FBXO34: variants seen among roughly 807,000 people sequenced by gnomAD.
The protein encoded by FBXO34 is F-box only protein 34.
In FBXO34, 12 loss-of-function variants were observed where a neutral mutation model predicts 24.5. That is an observed-to-expected ratio of 0.49 (90% CI 0.31 to 0.79). The LOEUF is 0.79. Among genes scored for constraint, FBXO34 ranks in the 30% least tolerant of loss-of-function variants. The pLI, the probability that FBXO34 is intolerant of heterozygous loss-of-function variation, is 0.04. For synonymous variants in FBXO34, 320 were observed against 311.9 expected, an observed-to-expected ratio of 1.03 and a Z score of -0.27; for missense variants, 823 against 857.7, an observed-to-expected ratio of 0.96 and a Z score of 0.51.
chr14:55,411,835 G>A, the FBXO34 span: 4 of 1,575,530 alleles, frequency 2.5e-6, no homozygotes, highest in Admixed American at 5.5e-5. Context: ...TGGCCTGAGA[G>A]GAGAGCCAGT....
the FBXO34 span, chr14:55,411,925 A>AAG: frequency 1.8e-6 from 2 of 1,136,222 alleles, no homozygotes; most frequent in Non-Finnish European, 2.5e-6. Context: ...GATGCCGGCG[A>AAG]GCCCCCGGAC....
chr14:55,420,833 G>C, the FBXO34 span, among the ~76,000 whole-genome samples: 4 of 152,102 alleles, frequency 2.6e-5, no homozygotes, highest in Admixed American at 2.6e-4. Context: ...GCCGAGGCGG[G>C]TGGATCACGA....
At chr14:55,378,348 A>C in the FBXO34 span, among the ~76,000 whole-genome samples, 1 of 152,222 alleles carries the variant, frequency 6.6e-6, no homozygotes. Flanking sequence ...TGAAATGAAA[A>C]ATGTACAAGA....
chr14:55,438,009 C>T, the FBXO34 span, among the ~76,000 whole-genome samples: 1 of 152,198 alleles, frequency 6.6e-6, no homozygotes, highest in South Asian at 2.1e-4. Context: ...CTGAGGAAAG[C>T]AACTAATGTA....
intron 3 of FBXO34, among the ~76,000 whole-genome samples, chr14:55,361,323 G>C (rs1884592543): frequency 6.6e-6 from 1 of 152,200 alleles, no homozygotes; most frequent in African/African-American, 2.4e-5. Context: ...AAAGGAATCT[G>C]GTTTTCTGAG....
At chr14:55,417,015 C>T in the FBXO34 span, among the ~76,000 whole-genome samples, 1 of 152,220 alleles carries the variant, frequency 6.6e-6, no homozygotes, top group African/African-American at 2.4e-5. Context: ...TGCATTCAAG[C>T]TCAAGGAGTA....
the FBXO34 span, among the ~76,000 whole-genome samples, chr14:55,419,776 T>G: frequency 6.6e-6 from 1 of 152,240 alleles, no homozygotes; most frequent in African/African-American, 2.4e-5. Context: ...ACATCTGTAC[T>G]ATGGGCATTG....
chr14:55,378,748 G>C, the FBXO34 span, among the ~76,000 whole-genome samples: 2 of 152,018 alleles, frequency 1.3e-5, no homozygotes, highest in African/African-American at 2.4e-5. Context: ...ACCCAGGCTG[G>C]GGTGCACTGG....
At chr14:55,434,275 T>A in the FBXO34 span, among the ~76,000 whole-genome samples, 1 of 152,158 alleles carries the variant, frequency 6.6e-6, no homozygotes, top group Non-Finnish European at 1.5e-5. Flanking sequence ...GGTTCTTGCC[T>A]CTTATAGTTC....
downstream of FBXO34, chr14:55,366,427 G>C (rs1372577647): frequency 6.6e-6 from 1 of 152,612 alleles, no homozygotes; most frequent in Non-Finnish European, 1.5e-5. Flanking sequence ...TACAATAAAA[G>C]TTTAGAAAAC....
chr14:55,286,241 ATTC>A (rs957795520), intron 1 of FBXO34, among the ~76,000 whole-genome samples: 3 of 152,214 alleles, frequency 2.0e-5, no homozygotes, highest in African/African-American at 7.2e-5. Context: ...TAAGAGTGAT[ATTC>A]TTGAAGATTC....
At chr14:55,395,311 G>T in the FBXO34 span, 4 of 270,180 alleles carry the variant, frequency 1.5e-5, no homozygotes, top group South Asian at 1.2e-4. Flanking sequence ...CGGGCTGCCT[G>T]GCTGCTGCCA....
intron 1 of FBXO34, among the ~76,000 whole-genome samples, chr14:55,329,181 C>T (rs141883342): frequency 2.6e-5 from 3 of 113,604 alleles, no homozygotes; most frequent in African/African-American, 9.0e-5. Context: ...GTTCTTTTCT[C>T]ATATATTGTC....
At chr14:55,399,347 C>T in the FBXO34 span, among the ~76,000 whole-genome samples, 15 of 152,158 alleles carry the variant, frequency 9.9e-5, no homozygotes, top group African/African-American at 3.1e-4. Context: ...TATGACTTAC[C>T]GGATGGTGTA....
chr14:55,390,871 G>A, the FBXO34 span: 1 of 1,371,774 alleles, frequency 7.3e-7, no homozygotes, highest in South Asian at 1.3e-5. Flanking sequence ...TTCCACATAG[G>A]CACTTTCTAG....
chr14:55,382,109 T>G, the FBXO34 span: 1 of 1,614,064 alleles, frequency 6.2e-7, no homozygotes, highest in African/African-American at 1.3e-5. Flanking sequence ...GAGAGGTAAG[T>G]TGTCCTCCGG....
At chr14:55,312,598 A>G (rs964877996) in intron 1 of FBXO34, among the ~76,000 whole-genome samples, 1 of 152,194 alleles carries the variant, frequency 6.6e-6, no homozygotes, top group Non-Finnish European at 1.5e-5. Flanking sequence ...GTTTCCATAC[A>G]TCCTCTGAAA....
downstream of FBXO34, among the ~76,000 whole-genome samples, chr14:55,372,657 T>TCCTTCCTTCGCTCCTCCCTGCTC (rs1249360644): frequency 9.9e-5 from 15 of 151,820 alleles, no homozygotes; most frequent in South Asian, 2.1e-4. Flanking sequence ...CACAGCTTGC[T>TCCTTCCTTCGCTCCTCCCTGCTC]CCTTCCTTCG....
the FBXO34 span, among the ~76,000 whole-genome samples, chr14:55,420,120 G>C: frequency 1.3e-5 from 2 of 152,308 alleles, no homozygotes; most frequent in East Asian, 3.9e-4. Flanking sequence ...ACCCAGGCTA[G>C]AGTGCAGTGG....
Sources: gnomAD v4.1 joint callset for allele counts (sites outside exome capture counted in the v4.1 genomes callset) on GRCh38, gnomAD v4.1.1 for gene constraint, MANE v1.5 for transcripts, NCBI Gene and HGNC (gene_info 2026-07-23, HGNC 2026-07-21) for gene names.